The following CCDC171 variants were observed in gnomAD, a reference collection of about 807,000 sequenced individuals.
CCDC171 encodes the protein coiled-coil domain containing 171.
Under a neutral mutation model 168.2 loss-of-function variants are expected in CCDC171, and 177 were observed. The observed-to-expected ratio is 1.05, with a 90% CI of 0.93 to 1.19. The LOEUF is 1.19. Among genes scored for constraint, CCDC171 ranks in the 50% most tolerant of loss-of-function variants. The pLI is 0.00. For missense variants in CCDC171, 1,991 were observed against 1,539.0 expected (o/e 1.29, Z -4.91); for synonymous variants, 687 against 540.8 (o/e 1.27, Z -3.75).
chr9:15,769,103 T>C (rs2056880509), intron 18 of CCDC171, among the ~76,000 whole-genome samples: 1 of 152,208 alleles, frequency 6.6e-6, no homozygotes, highest in Non-Finnish European at 1.5e-5. Flanking sequence ...GCACTAAACT[T>C]TAAAAGGAAT....
intron 6 of CCDC171, among the ~76,000 whole-genome samples, chr9:16,023,527 C>G (rs1586839735): frequency 1.3e-5 from 2 of 152,262 alleles, no homozygotes; most frequent in East Asian, 3.9e-4. Flanking sequence ...GCAGCACCAC[C>G]TCTTGCCCTG....
intron 10 of CCDC171, among the ~76,000 whole-genome samples, chr9:15,688,259 C>G (rs1019963418): frequency 1.3e-5 from 2 of 151,886 alleles, no homozygotes; most frequent in African/African-American, 2.4e-5. Flanking sequence ...AAGCCCAGGC[C>G]TAGATAGGTT....
At chr9:16,043,790 C>CA (rs1464983175) in intron 1 of CCDC171, among the ~76,000 whole-genome samples, 3 of 152,134 alleles carry the variant, frequency 2.0e-5, no homozygotes, top group Non-Finnish European at 2.9e-5. Context: ...AGAGAGATTT[C>CA]AAAAAATCAA....
At chr9:15,965,374 G>A (rs1351984786) in intron 25 of CCDC171, among the ~76,000 whole-genome samples, 1 of 152,176 alleles carries the variant, frequency 6.6e-6, no homozygotes, top group Non-Finnish European at 1.5e-5. Context: ...CCTGAGGCTA[G>A]GCTATATCTT....
chr9:16,036,457 A>C (rs1399043031), intron 8 of CCDC171, among the ~76,000 whole-genome samples: 3 of 152,172 alleles, frequency 2.0e-5, no homozygotes, highest in Non-Finnish European at 2.9e-5. Context: ...ATCCTAGCTA[A>C]CATGGTGAAA....
At chr9:15,939,350 C>T (rs1209677415) in intron 25 of CCDC171, among the ~76,000 whole-genome samples, 1 of 151,418 alleles carries the variant, frequency 6.6e-6, no homozygotes, top group Admixed American at 6.6e-5. Context: ...TTATCCTACA[C>T]AGGTAAAAAA....
chr9:16,107,284 G>A, the CCDC171 span, among the ~76,000 whole-genome samples: 4 of 152,002 alleles, frequency 2.6e-5, no homozygotes. Context: ...TGAGTAGCTG[G>A]GACCACAGGC....
At chr9:16,003,345 T>A (rs1832609635) in intron 3 of CCDC171, among the ~76,000 whole-genome samples, 1 of 152,190 alleles carries the variant, frequency 6.6e-6, no homozygotes, top group South Asian at 2.1e-4. Context: ...AGAGTTCCTG[T>A]TTCAACAATC....
the CCDC171 span, among the ~76,000 whole-genome samples, chr9:16,090,044 G>A: frequency 0.47 from 70,746 of 151,948 alleles, 18,615 homozygotes; most frequent in African/African-American, 0.73. Context: ...CAGAAATACC[G>A]TTTGACCCAG....
chr9:15,642,114 T>C (rs976467655), intron 7 of CCDC171, among the ~76,000 whole-genome samples: 3 of 151,614 alleles, frequency 2.0e-5, no homozygotes, highest in African/African-American at 7.3e-5. Context: ...TGAGCTGAGA[T>C]TGCACCACTG....
At position 15,591,550 on chromosome 9, in the gene CCDC171, T is replaced by C. The variant is rs1239634433; in HGVS notation, c.537T>C (p.Thr179=). Residue 179 remains threonine, a synonymous_variant, in exon 5 of 26, where the codon ACT becomes ACC. Transcript: ENST00000380701. Reference sequence around the variant, plus strand: ...AAGAAAAAAGCAGACTAGAGAAAACTCTACAGGTAAAATAGTTTTTATAAA... The same window carrying C: ...AAGAAAAAAGCAGACTAGAGAAAACCCTACAGGTAAAATAGTTTTTATAAA... ...LMKEKSRLEK[T]LQEALEKHQR... 2.0e-6 allele frequency: 3 copies of C among 1,526,598 alleles called. No homozygotes were observed. The highest frequency in any genetic ancestry group is 2.7e-6 in the Non-Finnish European group (3 of 1,124,570). The allele number at this position is 1,526,598 out of a possible 1,614,324, so 94.6% of individuals were successfully genotyped here.
At chr9:15,557,339 C>T (rs1269523483) in intron 1 of CCDC171, among the ~76,000 whole-genome samples, 2 of 152,040 alleles carry the variant, frequency 1.3e-5, no homozygotes, top group Non-Finnish European at 2.9e-5. Context: ...GGGAGTATGG[C>T]CATTTTCACA....
rs568806707 is a variant in CCDC171, at chr9:15,986,300, T to C, written n.369-34289T>C. 7.2e-5 allele frequency among the ~76,000 whole-genome samples: 11 copies of C among 152,346 alleles called. No homozygotes were observed. The East Asian group carries it at 1.9e-3, about 27-fold the overall frequency. ...AATAAACACAAGCTGATAACTAGTG[T>C]CTGTGAGTTCCTGAATTGATTCTTC... On this transcript the variant is annotated intron_variant and non_coding_transcript_variant, in intron 3 of 9. Transcript: ENST00000486641.
At chr9:16,022,570 A>G (rs1833195713) in exon 5 of CCDC171, 1 of 152,400 alleles carries the variant, frequency 6.6e-6, no homozygotes, top group African/African-American at 2.4e-5. Context: ...TTCCTGGACA[A>G]ACATGCAGTC....
chr9:15,745,059 A>T (rs982622075), intron 17 of CCDC171, among the ~76,000 whole-genome samples: 5 of 152,150 alleles, frequency 3.3e-5, no homozygotes, highest in African/African-American at 1.2e-4. Flanking sequence ...TAAAGTGGAG[A>T]GTTTATACAG....
intron 4 of CCDC171, among the ~76,000 whole-genome samples, chr9:15,583,313 G>A (rs2041282395): frequency 6.6e-6 from 1 of 151,554 alleles, no homozygotes; most frequent in South Asian, 2.1e-4. Context: ...TACTTGGGAG[G>A]CTGAGGCAGA....
At chr9:15,556,905 C>G (rs13302002) in intron 1 of CCDC171, among the ~76,000 whole-genome samples, 7 of 152,034 alleles carry the variant, frequency 4.6e-5, no homozygotes, top group African/African-American at 1.4e-4. Context: ...TCCATCTTGA[C>G]TTAATTTTTG....
intron 23 of CCDC171, among the ~76,000 whole-genome samples, chr9:15,872,643 G>A (rs1817308147): frequency 6.6e-6 from 1 of 151,860 alleles, no homozygotes; most frequent in Non-Finnish European, 1.5e-5. Flanking sequence ...TCATTTGGGG[G>A]CTCAAATTTA....
chr9:15,576,173 A>G (rs1411234972), intron 3 of CCDC171, among the ~76,000 whole-genome samples: 1 of 150,790 alleles, frequency 6.6e-6, no homozygotes, highest in African/African-American at 2.4e-5. Flanking sequence ...ATACATGTAT[A>G]TATATTTGTT....
Sources: allele counts gnomAD v4.1 joint callset (sites outside exome capture counted in the v4.1 genomes callset), GRCh38; gene constraint gnomAD v4.1.1; transcripts MANE v1.5; gene names NCBI Gene and HGNC (gene_info 2026-07-23, HGNC 2026-07-21).